The following GPC6 variants were observed in gnomAD, a reference collection of about 807,000 sequenced individuals.
GPC6 encodes the protein glypican 6.
In GPC6, 14 loss-of-function variants were observed where a neutral mutation model predicts 55.2. The observed-to-expected ratio is 0.25, with a 90% CI of 0.17 to 0.40. The LOEUF is 0.40. Among genes scored for constraint, GPC6 ranks in the 10% least tolerant of loss-of-function variants. The probability of loss-of-function intolerance (pLI) is 1.00; values close to 1 mark genes in which losing one functional copy is unlikely to be tolerated. For missense variants in GPC6, 641 were observed against 708.5 expected (o/e 0.90, Z 1.08); for synonymous variants, 278 against 259.6 (o/e 1.07, Z -0.68).
At chr13:94,225,688 T>TATATATATATATATATATATATAA (rs1290726636) in intron 4 of GPC6, among the ~76,000 whole-genome samples, 1 of 149,628 alleles carries the variant, frequency 6.7e-6, no homozygotes, top group African/African-American at 2.5e-5. Flanking sequence ...TATATATATA[T>TATATATATATATATATATATATAA]AAACTGTATA....
chr13:93,972,759 C>T (rs1880338728), intron 3 of GPC6, among the ~76,000 whole-genome samples: 1 of 152,066 alleles, frequency 6.6e-6, no homozygotes, highest in Admixed American at 6.5e-5. Flanking sequence ...ATAATAGGCC[C>T]CTTCACCCCA....
intron 7 of GPC6, among the ~76,000 whole-genome samples, chr13:94,383,195 T>C (rs935359847): frequency 1.3e-5 from 2 of 152,076 alleles, no homozygotes; most frequent in Non-Finnish European, 2.9e-5. Flanking sequence ...TGGATTTTCA[T>C]AGGGTGGGGA....
Position 94,085,458 on chromosome 13 carries a change from T to C in GPC6, c.877+57564T>C, listed in dbSNP as rs571902084. 2.0e-5 allele frequency among the ~76,000 whole-genome samples: 3 copies of C among 152,230 alleles called. No homozygotes were observed. The East Asian group carries it at 5.8e-4, about 29-fold the overall frequency. Reference sequence around the variant, plus strand: ...GTGTTTTGGATGACCCAACTTGCATTGCCAGTTTTTGCTGAGTAAGACAAG... The same window carrying C: ...GTGTTTTGGATGACCCAACTTGCATCGCCAGTTTTTGCTGAGTAAGACAAG... On this transcript the variant is annotated intron_variant, in intron 4 of 8. Coordinates refer to ENST00000377047, the MANE Select transcript of GPC6 (RefSeq NM_005708.5).
chr13:93,912,479 C>T (rs1472741960), intron 3 of GPC6, among the ~76,000 whole-genome samples: 3 of 152,160 alleles, frequency 2.0e-5, no homozygotes, highest in Non-Finnish European at 4.4e-5. Flanking sequence ...TGCAGTGGCT[C>T]ACGCCTGTAA....
At chr13:94,168,019 TAGTA>T (rs1888426317) in intron 4 of GPC6, among the ~76,000 whole-genome samples, 1 of 152,238 alleles carries the variant, frequency 6.6e-6, no homozygotes, top group South Asian at 2.1e-4. Flanking sequence ...TATTTAGCTA[TAGTA>T]AGTGTTTGTA....
intron 4 of GPC6, among the ~76,000 whole-genome samples, chr13:94,126,684 CA>C (rs1472472127): frequency 6.6e-6 from 1 of 151,870 alleles, no homozygotes; most frequent in Non-Finnish European, 1.5e-5. Context: ...AGGAGGAGTA[CA>C]AAAAAATCAA....
chr13:94,239,952 A>T (rs1193306112), intron 4 of GPC6, among the ~76,000 whole-genome samples: 1 of 152,050 alleles, frequency 6.6e-6, no homozygotes, highest in East Asian at 1.9e-4. Flanking sequence ...TTAGGAAGTG[A>T]TGCTCACCTA....
At chr13:93,490,225 T>A (rs1387968302) in intron 1 of GPC6, among the ~76,000 whole-genome samples, 1 of 151,528 alleles carries the variant, frequency 6.6e-6, no homozygotes, top group African/African-American at 2.4e-5. Flanking sequence ...ATTGAGATAA[T>A]CATGTGGTTT....
chr13:93,585,489 A>G (rs1877149082), intron 2 of GPC6, among the ~76,000 whole-genome samples: 1 of 152,192 alleles, frequency 6.6e-6, no homozygotes, highest in African/African-American at 2.4e-5. Context: ...ACATTACATC[A>G]CTAAGTGCTG....
At chr13:93,297,185 C>A (rs372888973) in intron 1 of GPC6, among the ~76,000 whole-genome samples, 14 of 152,284 alleles carry the variant, frequency 9.2e-5, no homozygotes, top group African/African-American at 3.4e-4. Context: ...CTGTTCTTCA[C>A]AGCTAAAAGA....
chr13:94,300,205 T>C (rs1179121313), intron 5 of GPC6, among the ~76,000 whole-genome samples: 1 of 152,124 alleles, frequency 6.6e-6, no homozygotes, highest in Admixed American at 6.5e-5. Flanking sequence ...CAGCCACTGC[T>C]TTTCAGGTTA....
chr13:93,791,189 T>C (rs1486154011), intron 2 of GPC6, among the ~76,000 whole-genome samples: 1 of 152,232 alleles, frequency 6.6e-6, no homozygotes, highest in East Asian at 1.9e-4. Flanking sequence ...TTCTGATGTA[T>C]GTTCCAGGTA....
Position 93,892,968 on chromosome 13 carries a change from G to A in GPC6, c.711+62423G>A, listed in dbSNP as rs112220944. Among the ~76,000 whole-genome samples, 724 of 143,430 alleles carry A rather than the reference G, an allele frequency of 5.0e-3. 8 individuals are homozygous for A. The highest frequency in any genetic ancestry group is 0.017 in the African/African-American group (684 of 40,608). The allele number at this position is 143,430 out of a possible 152,430, so 94.1% of individuals were successfully genotyped here. On this transcript the variant is annotated intron_variant, in intron 3 of 8. Coordinates refer to ENST00000377047, the MANE Select transcript of GPC6 (RefSeq NM_005708.5). ...TGCAAAGTATAAATATCAAAAATAT[G>A]TGCTGTTAAAAAGCATTTAATGCAT...
chr13:94,093,665 G>A (rs1387197801), intron 4 of GPC6, among the ~76,000 whole-genome samples: 1 of 152,084 alleles, frequency 6.6e-6, no homozygotes, highest in Non-Finnish European at 1.5e-5. Flanking sequence ...GATAGGGATT[G>A]CATTGAATCT....
At chr13:94,234,158 C>T (rs1047632169) in intron 4 of GPC6, among the ~76,000 whole-genome samples, 2 of 152,010 alleles carry the variant, frequency 1.3e-5, no homozygotes, top group Non-Finnish European at 2.9e-5. Context: ...TCTGGGGAAA[C>T]CGAGGCTCAG....
chr13:93,364,160 T>G (rs539076447), intron 1 of GPC6, among the ~76,000 whole-genome samples: 3 of 152,188 alleles, frequency 2.0e-5, no homozygotes, highest in Non-Finnish European at 4.4e-5. Context: ...TTTGTCAATT[T>G]TGGCTTTTGT....
intron 1 of GPC6, among the ~76,000 whole-genome samples, chr13:93,290,263 T>C (rs1878273928): frequency 6.6e-6 from 1 of 152,174 alleles, no homozygotes; most frequent in South Asian, 2.1e-4. Context: ...TGGGTTAAAA[T>C]CAAATAAAAA....
At chr13:93,269,813 A>T in intron 1 of GPC6, among the ~76,000 whole-genome samples, 1 of 146,766 alleles carries the variant, frequency 6.8e-6, no homozygotes, top group Non-Finnish European at 1.5e-5. Flanking sequence ...GGAGGCGTGA[A>T]CCTGGGAGGC....
chr13:93,301,859 A>G (rs1878693459), intron 1 of GPC6, among the ~76,000 whole-genome samples: 1 of 152,152 alleles, frequency 6.6e-6, no homozygotes, highest in Non-Finnish European at 1.5e-5. Flanking sequence ...ATGTCTATAA[A>G]TGGTGGACCT....
Sources: gnomAD v4.1 joint callset for allele counts (sites outside exome capture counted in the v4.1 genomes callset) on GRCh38, gnomAD v4.1.1 for gene constraint, MANE v1.5 for transcripts, NCBI Gene and HGNC (gene_info 2026-07-23, HGNC 2026-07-21) for gene names.